DOCK9: variants seen among roughly 807,000 people sequenced by gnomAD.
DOCK9 encodes the protein dedicator of cytokinesis protein 9.
A neutral mutation model predicts 263.3 loss-of-function variants in DOCK9; 89 were observed. The ratio of observed to expected loss-of-function variants is 0.34; its 90% confidence interval spans 0.28 to 0.40. The LOEUF (loss-of-function observed/expected upper bound fraction) is 0.40, where lower values mean the gene tolerates loss of function less well. Among genes scored for constraint, DOCK9 ranks in the 10% least tolerant of loss-of-function variants. The pLI, the probability that DOCK9 is intolerant of heterozygous loss-of-function variation, is 1.00. For missense variants in DOCK9, 2,140 were observed against 2,603.4 expected (o/e 0.82, Z 3.87); for synonymous variants, 976 against 973.1 (o/e 1.00, Z -0.06).
chr13:98,954,960 G>C (rs1018854702), intron 2 of DOCK9, among the ~76,000 whole-genome samples: 1 of 151,504 alleles, frequency 6.6e-6, no homozygotes, highest in Non-Finnish European at 1.5e-5. Context: ...AACTCATGAA[G>C]GATGCTTGGA....
intron 31 of DOCK9, 22 bp from the exon 32 acceptor site, chr13:98,863,154 T>A (rs745345755): frequency 6.3e-7 from 1 of 1,583,336 alleles, no homozygotes; most frequent in South Asian, 1.1e-5. Context: ...ACACACATGG[T>A]AAGTTTGACC....
At chr13:98,805,440 C>CT (rs796165009) in intron 48 of DOCK9, among the ~76,000 whole-genome samples, 53 of 150,334 alleles carry the variant, frequency 3.5e-4, no homozygotes, top group Middle Eastern at 3.5e-3. Context: ...GACATACAGA[C>CT]TTTTTTTTTT....
Position 99,041,106 on chromosome 13 carries a change from A to C in DOCK9, c.129+45117T>G, listed in dbSNP as rs563217219. On this transcript the variant is annotated intron_variant, in intron 1 of 32. Transcript: ENST00000427887. Reference sequence around the variant, plus strand: ...TGAAAGGAATACTGGGGGCATGAAGAAGTTCAAGCAGGACAGTGGGTAGAA... The same window carrying C: ...TGAAAGGAATACTGGGGGCATGAAGCAGTTCAAGCAGGACAGTGGGTAGAA... Among the ~76,000 whole-genome samples the C allele has an allele frequency of 2.6e-5, 4 of 152,272 alleles. No homozygotes were observed. The East Asian group carries it at 7.7e-4, about 29-fold the overall frequency.
At chr13:98,950,283 TAGGA>T in intron 2 of DOCK9, 1 of 757,342 alleles carries the variant, frequency 1.3e-6, no homozygotes, top group Non-Finnish European at 2.2e-6. Flanking sequence ...AGGAATCATA[TAGGA>T]ATGATTCCAG....
At chr13:98,800,525 T>C (rs2089994946) in intron 49 of DOCK9, 47 bp from the exon 50 acceptor site, 1 of 1,591,048 alleles carries the variant, frequency 6.3e-7, no homozygotes, top group African/African-American at 1.3e-5. Context: ...GCACGAGCTT[T>C]AGTGTTATTG....
In DOCK9 at chr13:98,797,038, C is replaced by T. The variant is rs1271534431; in HGVS notation, c.6156+77G>A. 104 of 1,475,398 alleles carry T rather than the reference C, an allele frequency of 7.0e-5. No individual in the cohort carries two copies. The East Asian group carries it at 1.3e-3, about 19-fold the overall frequency. The allele number at this position is 1,475,398 out of a possible 1,614,324, so 91.4% of individuals were successfully genotyped here. A position where few individuals can be genotyped will look rare whatever the true frequency, so the allele number is the denominator to read the frequency against. ...GTCACAGTTCTGGAAGGATATCAGGCGGCCTAAGTCATGATAGGGTGTACT... is the reference window on the plus strand; with the variant it reads ...GTCACAGTTCTGGAAGGATATCAGGTGGCCTAAGTCATGATAGGGTGTACT... On this transcript the variant is annotated intron_variant, in intron 52 of 52. Transcript: ENST00000682017.
intron 1 of DOCK9, among the ~76,000 whole-genome samples, chr13:99,036,712 G>T (rs1378847103): frequency 6.6e-6 from 1 of 152,080 alleles, no homozygotes; most frequent in East Asian, 1.9e-4. Context: ...GCTAATTTTT[G>T]TATTTTTAGT....
rs527988708 is a variant in DOCK9, at chr13:98,805,536, C to T, written c.5515-327G>A. On this transcript the variant is annotated intron_variant, in intron 48 of 52. Transcript: ENST00000682017. ...AAAATAAGGACATTTGCTTCTATAA[C>T]CGCAATACATTATCATGCCTACCCA... is the stretch of plus-strand genomic sequence containing the variant. Among the ~76,000 whole-genome samples, 211 of 152,208 alleles carry T rather than the reference C, an allele frequency of 1.4e-3. 10 individuals carry two copies. In the South Asian group the frequency reaches 0.043, roughly 31 times the overall value.
intron 1 of DOCK9, among the ~76,000 whole-genome samples, chr13:98,964,219 G>A (rs2058969892): frequency 6.6e-6 from 1 of 152,222 alleles, no homozygotes; most frequent in African/African-American, 2.4e-5. Flanking sequence ...TGGCCCACTA[G>A]AAGGAACCCA....
In DOCK9 at chr13:99,023,991, T is replaced by A. The variant is rs184681806; in HGVS notation, c.129+62232A>T. Among the ~76,000 whole-genome samples, 16 of 152,302 alleles carry A rather than the reference T, an allele frequency of 1.1e-4. 1 individual carries two copies. In the East Asian group the frequency reaches 2.9e-3, roughly 28 times the overall value. On this transcript the variant is annotated intron_variant, in intron 1 of 32. Transcript: ENST00000427887. ...AATGAACAAATACAATGTACACAGG[T>A]CCAACTGACCCCTCAGCTCAGGAAC...
chr13:98,964,060 A>G (rs553982467), intron 1 of DOCK9, among the ~76,000 whole-genome samples: 1 of 152,310 alleles, frequency 6.6e-6, no homozygotes, highest in South Asian at 2.1e-4. Flanking sequence ...CTCCACAGGT[A>G]TTTACTGAGC....
chr13:98,911,456 TAA>T (rs1221119524), intron 9 of DOCK9, among the ~76,000 whole-genome samples: 5 of 152,246 alleles, frequency 3.3e-5, no homozygotes, highest in African/African-American at 9.6e-5. Flanking sequence ...TGAAAGTAAA[TAA>T]ATATACATAA....
chr13:98,912,959 A>G (rs1338734310), intron 9 of DOCK9, among the ~76,000 whole-genome samples: 1 of 152,228 alleles, frequency 6.6e-6, no homozygotes, highest in Non-Finnish European at 1.5e-5. Context: ...AATGCAAAAT[A>G]TGATACACAG....
At position 98,896,486 on chromosome 13, in the gene DOCK9, G is replaced by GCA. The variant is rs1555389794; in HGVS notation, c.1709+1000_1709+1001dup. 7.2e-4 allele frequency among the ~76,000 whole-genome samples: 97 copies of GCA among 134,108 alleles called. 1 individual carries two copies. The South Asian group carries it at 0.024, about 33-fold the overall frequency. The allele number at this position is 134,108 out of a possible 152,430, so 88.0% of individuals were successfully genotyped here. A position where few individuals can be genotyped will look rare whatever the true frequency, so the allele number is the denominator to read the frequency against. On this transcript the variant is annotated intron_variant, in intron 15 of 52. Transcript: ENST00000682017. ...ACTGATAAGATTGCTATTTTGATATGCACAAAAAAAAAAAAAAACAAGGAT... is the reference window on the plus strand; with the variant it reads ...ACTGATAAGATTGCTATTTTGATATGCACACAAAAAAAAAAAAAAACAAGGAT...
chr13:98,805,274 C>T (rs2090568207), intron 48 of DOCK9, 65 bp from the exon 49 acceptor site: 29 of 1,382,392 alleles, frequency 2.1e-5, no homozygotes, highest in East Asian at 7.4e-5. Context: ...TTCTTACCTA[C>T]GTGGTATTTT....
intron 39 of DOCK9, among the ~76,000 whole-genome samples, chr13:98,834,145 T>C (rs1221021077): frequency 6.6e-6 from 1 of 152,216 alleles, no homozygotes; most frequent in Non-Finnish European, 1.5e-5. Context: ...CATGGTCTCT[T>C]ATGGTGCTTA....
At chr13:98,804,925 G>A in intron 49 of DOCK9, 74 bp downstream of exon 49, 2 of 1,492,206 alleles carry the variant, frequency 1.3e-6, no homozygotes, top group Non-Finnish European at 9.1e-7. Context: ...CAGTCCTGAA[G>A]CTTCTGAATC....
chr13:99,052,030 G>A (rs1440897256), intron 1 of DOCK9, among the ~76,000 whole-genome samples: 1 of 152,176 alleles, frequency 6.6e-6, no homozygotes, highest in Non-Finnish European at 1.5e-5. Context: ...CTGATATTCA[G>A]CCAAGTACCA....
chr13:98,804,304 G>A (rs1452100090), intron 49 of DOCK9, among the ~76,000 whole-genome samples: 1 of 152,156 alleles, frequency 6.6e-6, no homozygotes, highest in East Asian at 1.9e-4. Context: ...AGGCAGGGAT[G>A]GGTCAAGCTC....
Sources: gnomAD v4.1 joint callset for allele counts (sites outside exome capture counted in the v4.1 genomes callset) on GRCh38, gnomAD v4.1.1 for gene constraint, MANE v1.5 for transcripts, NCBI Gene and HGNC (gene_info 2026-07-23, HGNC 2026-07-21) for gene names.